The following PACS1 variants were observed in gnomAD, a reference collection of about 807,000 sequenced individuals.
PACS1 encodes the protein phosphofurin acidic cluster sorting protein 1.
PACS1 carries 24 observed loss-of-function variants against 115.0 expected under a neutral mutation model. That is an observed-to-expected ratio of 0.21 (90% CI 0.15 to 0.29). The LOEUF (loss-of-function observed/expected upper bound fraction) is 0.29, where lower values mean the gene tolerates loss of function less well. Ranked by LOEUF, PACS1 falls within the 10% of genes least tolerant of loss-of-function variation. The pLI is 1.00. For synonymous variants in PACS1, 453 were observed against 504.5 expected, an observed-to-expected ratio of 0.90 and a Z score of 1.37; for missense variants, 838 against 1,251.2, an observed-to-expected ratio of 0.67 and a Z score of 4.98.
At chr11:66,138,380 C>G (rs1028872493) in intron 1 of PACS1, among the ~76,000 whole-genome samples, 2 of 152,044 alleles carry the variant, frequency 1.3e-5, no homozygotes, top group Admixed American at 6.6e-5. Flanking sequence ...GCCCAGACGG[C>G]TTTTGCATTT....
At chr11:66,210,199 A>AT (rs992063280) in intron 2 of PACS1, among the ~76,000 whole-genome samples, 163 bp from the exon 3 acceptor site, 17 of 151,334 alleles carry the variant, frequency 1.1e-4, no homozygotes, top group Non-Finnish European at 2.1e-4. Flanking sequence ...CACCCAGCCA[A>AT]TTTTTTTTAT....
intron 2 of PACS1, among the ~76,000 whole-genome samples, chr11:66,195,057 C>T: frequency 6.6e-6 from 1 of 152,140 alleles, no homozygotes. Context: ...AACCCCATCT[C>T]TACTAAAAAT....
At chr11:66,220,363 C>T (rs937002251) in intron 8 of PACS1, 26 of 454,312 alleles carry the variant, frequency 5.7e-5, no homozygotes, top group African/African-American at 3.5e-4. Context: ...CCCACATGGG[C>T]GATGGGCCTC....
chr11:66,161,908 A>G (rs749191582), intron 1 of PACS1, among the ~76,000 whole-genome samples: 5 of 152,158 alleles, frequency 3.3e-5, no homozygotes, highest in Non-Finnish European at 7.4e-5. Flanking sequence ...GATGATTGCC[A>G]TGAGAGGCAA....
At chr11:66,110,880 C>A (rs551261371) in intron 1 of PACS1, among the ~76,000 whole-genome samples, 1 of 152,278 alleles carries the variant, frequency 6.6e-6, no homozygotes, top group South Asian at 2.1e-4. Context: ...ACATTTTACT[C>A]TTTATACGTG....
At position 66,235,905 on chromosome 11, in the gene PACS1, G is replaced by A; in HGVS notation, c.2215G>A (p.Glu739Lys). 6.2e-7 allele frequency: 1 copy of A among 1,613,834 alleles called. No homozygotes were observed. Among genetic ancestry groups the A allele is most frequent in the Non-Finnish European group, 8.5e-7 (1 of 1,179,746 alleles). ...TCCTGTGTCTCCCAACAGCCCTGAT[G>A]AAGACTCCTATCAGAAGTTTATTCC... Reference protein sequence around the residue: ...MLTCRHKFPDEDSYQKFIPFI... With the variant: ...MLTCRHKFPDKDSYQKFIPFI... The change falls in exon 19 of 24, where the codon GAA becomes AAA. Residue 739 changes from glutamate (E) to lysine (K), a missense_variant. Around this residue, in one of 6 missense-constraint regions of PACS1, gnomAD observed 383 missense variants for 537.0 expected, o/e 0.71. Transcript: ENST00000320580. This position sits in a 1 kb window ranked among gnomAD's most constrained non-coding sequence, Gnocchi z 5.6.
chr11:66,207,395 AG>A (rs1854966762), intron 2 of PACS1, among the ~76,000 whole-genome samples: 1 of 148,946 alleles, frequency 6.7e-6, no homozygotes, highest in South Asian at 2.1e-4. Flanking sequence ...TGAACCTGGG[AG>A]GCGGAGATTG....
intron 1 of PACS1, among the ~76,000 whole-genome samples, chr11:66,155,533 A>G (rs985860840): frequency 1.3e-5 from 2 of 152,202 alleles, no homozygotes; most frequent in Non-Finnish European, 2.9e-5. Flanking sequence ...ATTTCCAGCC[A>G]TAATGAACTA....
At chr11:66,241,838 A>G (rs1397649885) in intron 22 of PACS1, among the ~76,000 whole-genome samples, 185 bp downstream of exon 22, 1 of 152,210 alleles carries the variant, frequency 6.6e-6, no homozygotes, top group Non-Finnish European at 1.5e-5. Context: ...TCTGTCATGC[A>G]GGAAACCGAG....
chr11:66,157,892 T>TC (rs1859397455), intron 1 of PACS1, among the ~76,000 whole-genome samples: 1 of 152,062 alleles, frequency 6.6e-6, no homozygotes. Flanking sequence ...CCTTATCCCA[T>TC]CACATGCTGT....
intron 1 of PACS1, among the ~76,000 whole-genome samples, chr11:66,151,667 T>C (rs1490192567): frequency 6.6e-6 from 1 of 152,218 alleles, no homozygotes; most frequent in Non-Finnish European, 1.5e-5. Context: ...TAACATCTTA[T>C]CTACAATGCC....
At chr11:66,219,503 G>T (rs576570932) in intron 7 of PACS1, 93 of 649,362 alleles carry the variant, frequency 1.4e-4, no homozygotes, top group Middle Eastern at 3.8e-4. Flanking sequence ...TGGGGCACAG[G>T]GGGGTGGAGG....
chr11:66,087,534 A>G (rs1057267612), intron 1 of PACS1, among the ~76,000 whole-genome samples: 1 of 152,234 alleles, frequency 6.6e-6, no homozygotes, highest in Non-Finnish European at 1.5e-5. Flanking sequence ...TGAGCCAGCC[A>G]AGAACACTTG....
intron 1 of PACS1, among the ~76,000 whole-genome samples, chr11:66,189,831 C>T (rs1316094310): frequency 2.0e-5 from 3 of 152,220 alleles, no homozygotes; most frequent in Non-Finnish European, 4.4e-5. Flanking sequence ...AAAAGTTGAT[C>T]ATACACATTG....
At chr11:66,120,148 CTTTTTT>C (rs367965167) in intron 1 of PACS1, among the ~76,000 whole-genome samples, 1 of 135,324 alleles carries the variant, frequency 7.4e-6, no homozygotes, top group Non-Finnish European at 1.6e-5. Context: ...TCTGTGAACT[CTTTTTT>C]TTTTTTTTTT....
intron 21 of PACS1, 101 bp downstream of exon 21, chr11:66,239,378 C>G (rs1157118880): frequency 7.1e-7 from 1 of 1,409,140 alleles, no homozygotes; most frequent in African/African-American, 1.4e-5. Context: ...CCACAGGAAG[C>G]CGGGCGTGGT....
intron 1 of PACS1, among the ~76,000 whole-genome samples, chr11:66,118,391 T>C (rs1858356583): frequency 6.6e-6 from 1 of 151,788 alleles, no homozygotes; most frequent in South Asian, 2.1e-4. Flanking sequence ...GCAGTAGGAT[T>C]GCTTGAGCCC....
At chr11:66,085,105 A>G (rs1333523181) in intron 1 of PACS1, among the ~76,000 whole-genome samples, 2 of 152,220 alleles carry the variant, frequency 1.3e-5, no homozygotes, top group Admixed American at 6.5e-5. Context: ...CTGTAGCCCC[A>G]TAGCCTTTGT....
Position 66,132,230 on chromosome 11 carries a change from T to C in PACS1, c.357-61256T>C, listed in dbSNP as rs1356309876. 2.0e-5 allele frequency among the ~76,000 whole-genome samples: 3 copies of C among 151,490 alleles called. No individual in the cohort carries two copies. In the East Asian group the frequency reaches 5.8e-4, roughly 29 times the overall value. On this transcript the variant is annotated intron_variant, in intron 1 of 23. Coordinates refer to ENST00000320580, the MANE Select transcript of PACS1 (RefSeq NM_018026.4). Reference sequence around the variant, plus strand: ...TCACAAGATCTGATGGTTTTATAAATGGTGCTTTTTTCCTGCGCTCTCACA... The same window carrying C: ...TCACAAGATCTGATGGTTTTATAAACGGTGCTTTTTTCCTGCGCTCTCACA...
Sources: allele counts gnomAD v4.1 joint callset (sites outside exome capture counted in the v4.1 genomes callset), GRCh38; gene constraint gnomAD v4.1.1; regional missense constraint gnomAD v4.1.1; non-coding constraint Gnocchi (gnomAD v3.1); transcripts MANE v1.5; gene names NCBI Gene and HGNC (gene_info 2026-07-23, HGNC 2026-07-21).